LARP6: variants seen among roughly 807,000 people sequenced by gnomAD.
LARP6 encodes la-related protein 6.
A neutral mutation model predicts 32.8 loss-of-function variants in LARP6; 18 were observed. The ratio of observed to expected loss-of-function variants is 0.55; its 90% CI spans 0.38 to 0.81. The LOEUF is 0.81. Among genes scored for constraint, LARP6 ranks in the 40% least tolerant of loss-of-function variants. The pLI, the probability that LARP6 is intolerant of heterozygous loss-of-function variation, is 0.00. For missense variants in LARP6, 598 were observed against 663.1 expected (o/e 0.90, Z 1.08); for synonymous variants, 289 against 267.2 (o/e 1.08, Z -0.80).
In LARP6 at chr15:70,832,146, G is replaced by A; in HGVS notation, c.1382C>T (p.Ala461Val). Residue 461 changes from alanine (A) to valine (V), a missense_variant, in exon 3 of 3, where the codon GCA (alanine) becomes GTA (valine). Around this residue, in one of 3 missense-constraint regions of LARP6, gnomAD observed 368 missense variants for 397.9 expected, o/e 0.92. Coordinates refer to ENST00000299213, the MANE Select transcript of LARP6 (RefSeq NM_018357.4). The part of the protein sequence containing the change: ...SPLLSRKMQT[A>V]DGLPVGVLRL... ...CAGCACCCCTACGGGTAGCCCATCT[G>A]CAGTCTGCATCTTCCGGGAGAGCAG... 1 of 1,612,272 alleles carries A rather than the reference G, an allele frequency of 6.2e-7. No individual in the cohort carries two copies.
intron 1 of LARP6, among the ~76,000 whole-genome samples, chr15:70,840,464 C>T (rs1259045605): frequency 2.0e-5 from 3 of 152,118 alleles, no homozygotes; most frequent in Non-Finnish European, 2.9e-5. Flanking sequence ...CGCTTGAACC[C>T]GGCGGGCGGA....
intron 1 of LARP6, among the ~76,000 whole-genome samples, chr15:70,837,469 A>G (rs2032169138): frequency 6.6e-6 from 1 of 152,196 alleles, no homozygotes; most frequent in African/African-American, 2.4e-5. Flanking sequence ...CTTTTCACAT[A>G]TACTCTCTTA....
intron 1 of LARP6, among the ~76,000 whole-genome samples, chr15:70,845,183 T>C (rs1258058365): frequency 6.6e-6 from 1 of 152,150 alleles, no homozygotes; most frequent in East Asian, 1.9e-4. Flanking sequence ...TATATTATTA[T>C]TACCTAAAGT....
At chr15:70,849,387 AC>A (rs1449489860) in intron 1 of LARP6, 108 of 156,664 alleles carry the variant, frequency 6.9e-4, no homozygotes, top group African/African-American at 2.0e-3. Flanking sequence ...AAACAAACAA[AC>A]AAAAAAATAT....
chr15:70,832,911 T>C lies in LARP6; in HGVS notation c.617A>G (p.Asn206Ser). The C allele has an allele frequency of 1.2e-6, 2 of 1,603,416 alleles. No individual in the cohort carries two copies. Among genetic ancestry groups the C allele is most frequent in the Non-Finnish European group, 1.7e-6 (2 of 1,175,348 alleles). ...KLWALATPQK[N>S]GRVQEKVMEH... ...CATCACCTTCTCTTGCACCCTTCCATTCTTCTGGGGGGTGGCCAGAGCCCA... is the reference window on the plus strand; with the variant it reads ...CATCACCTTCTCTTGCACCCTTCCACTCTTCTGGGGGGTGGCCAGAGCCCA... Residue 206 changes from asparagine (N) to serine (S), a missense_variant, in exon 3 of 3, where the codon AAT becomes AGT. Coordinates refer to ENST00000299213, the MANE Select transcript of LARP6 (RefSeq NM_018357.4).
intron 2 of LARP6, among the ~76,000 whole-genome samples, chr15:70,834,254 G>A (rs12438204): frequency 0.45 from 68,262 of 152,080 alleles, 17,012 homozygotes; most frequent in Admixed American, 0.66. Flanking sequence ...CCTAGAGAGA[G>A]AGCACTGTCC....
chr15:70,846,200 A>G (rs1276842889), intron 1 of LARP6, among the ~76,000 whole-genome samples: 1 of 152,190 alleles, frequency 6.6e-6, no homozygotes, highest in Non-Finnish European at 1.5e-5. Context: ...ACTCTGTGCC[A>G]TATTACATGT....
chr15:70,845,757 C>T (rs1370011354), intron 1 of LARP6, among the ~76,000 whole-genome samples: 2 of 152,252 alleles, frequency 1.3e-5, no homozygotes, highest in Non-Finnish European at 2.9e-5. Flanking sequence ...CAGTTGCACA[C>T]TCCCACTGGT....
intron 1 of LARP6, chr15:70,851,717 A>G (rs771752824): frequency 1.1e-5 from 17 of 1,614,044 alleles, no homozygotes; most frequent in Non-Finnish European, 1.4e-5. Flanking sequence ...CCGAGCTCCT[A>G]TTCCTGTGAG....
chr15:70,846,621 A>AATAC lies in LARP6; in HGVS notation c.200+7264_200+7267dup, dbSNP rs71152317. 2.9e-3 allele frequency among the ~76,000 whole-genome samples: 438 copies of AATAC among 148,880 alleles called. 2 individuals carry two copies. The highest frequency in any genetic ancestry group is 6.8e-3 in the Middle Eastern group (2 of 292). ...GAGACCCTGTCTCAAAAAATAAATA[A>AATAC]ATACATACATACATACATACATACA... On this transcript the variant is annotated intron_variant, in intron 1 of 2. Transcript: ENST00000299213.
intron 1 of LARP6, among the ~76,000 whole-genome samples, chr15:70,841,441 T>C (rs1056557025): frequency 1.8e-4 from 28 of 152,180 alleles, no homozygotes; most frequent in African/African-American, 6.8e-4. Context: ...ATCAAAGAAC[T>C]TGTAGCCATA....
intron 1 of LARP6, 108 bp from the exon 2 acceptor site, chr15:70,836,613 T>G (rs1189008048): frequency 3.5e-6 from 3 of 859,676 alleles, no homozygotes; most frequent in Non-Finnish European, 5.7e-6. Flanking sequence ...ATGATGTTAT[T>G]TGGAAATGGG....
chr15:70,835,484 C>G (rs933056542), intron 2 of LARP6, among the ~76,000 whole-genome samples: 1 of 152,198 alleles, frequency 6.6e-6, no homozygotes, highest in Non-Finnish European at 1.5e-5. Context: ...CAGGGCCAGG[C>G]AGAGTACACC....
rs776949498 is a variant in LARP6 at position 70,832,897 on chromosome 15, C to T, written c.631G>A (p.Glu211Lys). 5 of 1,606,218 alleles carry T rather than the reference C, an allele frequency of 3.1e-6. No homozygotes were observed. Among genetic ancestry groups the T allele is most frequent in the Non-Finnish European group, 4.2e-6 (5 of 1,176,616 alleles). ...ATPQKNGRVQEKVMEHLLKLF... is the reference protein window; with the variant it reads ...ATPQKNGRVQKKVMEHLLKLF... Reference sequence around the variant, plus strand: ...TTGAGCAGGTGTTCCATCACCTTCTCTTGCACCCTTCCATTCTTCTGGGGG... The same window carrying T: ...TTGAGCAGGTGTTCCATCACCTTCTTTTGCACCCTTCCATTCTTCTGGGGG... Residue 211 changes from glutamate to lysine, a missense_variant, in exon 3 of 3, where the codon GAG becomes AAG. Coordinates refer to ENST00000299213, the MANE Select transcript of LARP6 (RefSeq NM_018357.4).
intron 1 of LARP6, among the ~76,000 whole-genome samples, chr15:70,838,923 A>AAAAAAG (rs1567021311): frequency 1.2e-4 from 18 of 151,640 alleles, no homozygotes; most frequent in African/African-American, 3.9e-4. Context: ...AAAAAAAAAA[A>AAAAAAG]AAAAGAAAAG....
At chr15:70,852,235 C>T (rs1189834942) in intron 1 of LARP6, 4 of 454,574 alleles carry the variant, frequency 8.8e-6, no homozygotes, top group East Asian at 1.4e-4. Flanking sequence ...ACCGAAGAAC[C>T]CCAGGGATTT....
intron 1 of LARP6, among the ~76,000 whole-genome samples, chr15:70,852,978 G>T (rs2141061843): frequency 6.6e-6 from 1 of 152,322 alleles, no homozygotes; most frequent in South Asian, 2.1e-4. Flanking sequence ...CTAGAAGAAA[G>T]AGAGCTCCTA....
chr15:70,851,640 T>C (rs759180458), intron 1 of LARP6: 6 of 1,613,338 alleles, frequency 3.7e-6, no homozygotes, highest in Non-Finnish European at 5.1e-6. Flanking sequence ...AAACATGTCC[T>C]ATGTGCTGGG....
chr15:70,848,281 CT>C (rs2032383416), intron 1 of LARP6, among the ~76,000 whole-genome samples: 1 of 152,204 alleles, frequency 6.6e-6, no homozygotes, highest in African/African-American at 2.4e-5. Flanking sequence ...CTGACCCTGT[CT>C]TCTGCCATGC....
Sources: allele counts gnomAD v4.1 joint callset (sites outside exome capture counted in the v4.1 genomes callset), GRCh38; gene constraint gnomAD v4.1.1; regional missense constraint gnomAD v4.1.1; transcripts MANE v1.5; gene names NCBI Gene and HGNC (gene_info 2026-07-23, HGNC 2026-07-21).